Variants in DMD observed in about 807,000 individuals in gnomAD.
DMD encodes the protein dystrophin, also known as mutant dystrophin.
A neutral mutation model predicts 330.1 loss-of-function variants in DMD; 63 were observed. That is an observed-to-expected ratio of 0.19 (90% CI 0.16 to 0.24). DMD has a LOEUF of 0.24. Among genes scored for constraint, DMD ranks in the 10% least tolerant of loss-of-function variants. DMD has a pLI of 1.00. For missense variants in DMD, 3,344 were observed against 2,684.1 expected (o/e 1.25, Z -5.43); for synonymous variants, 1,223 against 959.8 (o/e 1.27, Z -5.07).
intron 2 of DMD, among the ~76,000 whole-genome samples, chrX:32,980,136 C>T (rs370009718): frequency 1.3e-3 from 142 of 109,914 alleles, no homozygotes; most frequent in African/African-American, 4.4e-3. Flanking sequence ...GAGGCCGAGG[C>T]GGGCAGATCA....
At chrX:32,517,195 C>G (rs900770265) in intron 18 of DMD, 2 of 111,626 alleles carry the variant, frequency 1.8e-5, no homozygotes, top group East Asian at 5.6e-4. Context: ...GTGATCTTCC[C>G]ATGGATAAAA....
rs749669138 is a variant in DMD, at chrX:31,298,693, T to A, written c.9224+24905A>T. Among the ~76,000 whole-genome samples the A allele has an allele frequency of 6.2e-5, 7 of 112,109 alleles. No individual in the cohort carries two copies. The South Asian group carries it at 2.6e-3, about 42-fold the overall frequency. On this transcript the variant is annotated intron_variant, in intron 62 of 78. Transcript: ENST00000357033. ...CAAATATTTTCATGAATACAGACTC[T>A]CTTCATCCACGTAGGAAACCCTATT...
At chrX:33,044,773 G>A (rs1007964584) in intron 1 of DMD, among the ~76,000 whole-genome samples, 1 of 111,827 alleles carries the variant, frequency 8.9e-6, no homozygotes, top group Admixed American at 9.5e-5. Flanking sequence ...TTTATTCTGC[G>A]TTCAATGTTT....
At chrX:32,507,767 C>A (rs1291522869) in intron 18 of DMD, among the ~76,000 whole-genome samples, 1 of 111,290 alleles carries the variant, frequency 9.0e-6, no homozygotes, top group Non-Finnish European at 1.9e-5. Context: ...ACATAATTTC[C>A]ATATGTATGT....
chrX:32,812,975 C>G (rs1338422058), intron 6 of DMD, among the ~76,000 whole-genome samples: 2 of 111,169 alleles, frequency 1.8e-5, no homozygotes, highest in East Asian at 5.6e-4. Flanking sequence ...TCATCTATGG[C>G]ATAGTATACA....
At chrX:32,482,185 A>C (rs1204334481) in intron 21 of DMD, among the ~76,000 whole-genome samples, 3 of 111,657 alleles carry the variant, frequency 2.7e-5, no homozygotes, top group African/African-American at 9.7e-5. Context: ...TTCTTTGTTG[A>C]AACAATTATC....
Position 32,397,623 on chromosome X carries a change from G to A in DMD, c.4234-7442C>T, listed in dbSNP as rs753985930. The stretch of plus-strand genomic sequence containing the variant: ...GTAGGAAAATAAAACAAGTGAAATC[G>A]AATTAACCATTTTTCCATTGAATAT... On this transcript the variant is annotated intron_variant, in intron 30 of 78. Transcript: ENST00000357033. Among the ~76,000 whole-genome samples, 7 of 111,687 alleles carry A rather than the reference G, an allele frequency of 6.3e-5. No homozygotes were observed. In the East Asian group the frequency reaches 1.4e-3, roughly 22 times the overall value.
chrX:32,516,710 T>A (rs1212088342), intron 18 of DMD: 1 of 111,717 alleles, frequency 9.0e-6, no homozygotes, highest in Non-Finnish European at 1.9e-5. Context: ...TTTAATGTTC[T>A]CTAATTAATT....
At chrX:31,296,708 C>T (rs1262658073) in intron 62 of DMD, among the ~76,000 whole-genome samples, 2 of 112,187 alleles carry the variant, frequency 1.8e-5, no homozygotes, top group East Asian at 2.8e-4. Context: ...GCAATTACTG[C>T]TCACATGAAT....
chrX:31,361,573 C>T (rs772448067), intron 60 of DMD, among the ~76,000 whole-genome samples: 1 of 111,196 alleles, frequency 9.0e-6, no homozygotes, highest in Non-Finnish European at 1.9e-5. Flanking sequence ...CACAGAACAT[C>T]ATTGTCCTAG....
chrX:32,087,590 C>A (rs769691250), intron 44 of DMD, among the ~76,000 whole-genome samples: 2 of 111,787 alleles, frequency 1.8e-5, no homozygotes, highest in South Asian at 3.7e-4. Context: ...ACCCGCTAGT[C>A]CGAGTCAATC....
At chrX:32,961,080 G>C (rs1245794811) in intron 2 of DMD, among the ~76,000 whole-genome samples, 3 of 111,253 alleles carry the variant, frequency 2.7e-5, no homozygotes, top group Non-Finnish European at 3.8e-5. Flanking sequence ...AATATATATT[G>C]CCTCCCATTC....
intron 51 of DMD, among the ~76,000 whole-genome samples, chrX:31,739,729 A>T (rs1031335201): frequency 9.1e-6 from 1 of 109,393 alleles, no homozygotes; most frequent in African/African-American, 3.3e-5. Context: ...ATACCTAGGT[A>T]ACAAACCTGC....
intron 2 of DMD, among the ~76,000 whole-genome samples, chrX:32,995,654 A>G (rs754322114): frequency 1.8e-5 from 2 of 112,322 alleles, no homozygotes; most frequent in Non-Finnish European, 3.7e-5. Flanking sequence ...CAAGTGAAAT[A>G]AGGTCTATTC....
chrX:32,692,913 T>C (rs114405950), intron 9 of DMD, among the ~76,000 whole-genome samples: 4,492 of 111,869 alleles, frequency 0.04, 240 homozygotes, highest in African/African-American at 0.14. Context: ...ATGTTCTTTA[T>C]AAAATTAATC....
chrX:31,849,899 T>C (rs376966136), intron 48 of DMD, among the ~76,000 whole-genome samples: 2 of 111,188 alleles, frequency 1.8e-5, no homozygotes, highest in East Asian at 5.6e-4. Context: ...ATTCACTTAA[T>C]TTTTTTTAAC....
At chrX:31,912,170 G>T (rs2094556290) in intron 47 of DMD, among the ~76,000 whole-genome samples, 1 of 110,903 alleles carries the variant, frequency 9.0e-6, no homozygotes, top group Non-Finnish European at 1.9e-5. Flanking sequence ...ACCCACTACC[G>T]CTTTCTGAAT....
intron 9 of DMD, among the ~76,000 whole-genome samples, chrX:32,657,221 A>G (rs1342359957): frequency 9.0e-6 from 1 of 111,692 alleles, no homozygotes; most frequent in Admixed American, 9.6e-5. Flanking sequence ...AGAAAAAGAA[A>G]TAAGCACTGT....
chrX:31,884,496 G>A (rs185783978), intron 47 of DMD, among the ~76,000 whole-genome samples: 42 of 111,107 alleles, frequency 3.8e-4, no homozygotes, highest in African/African-American at 1.3e-3. Flanking sequence ...CTGGGGGTGG[G>A]GTGATTTGGG....
Sources: gnomAD v4.1 joint callset for allele counts (sites outside exome capture counted in the v4.1 genomes callset) on GRCh38, gnomAD v4.1.1 for gene constraint, MANE v1.5 for transcripts, NCBI Gene and HGNC (gene_info 2026-07-23, HGNC 2026-07-21) for gene names.